NUBPL: variants seen among roughly 807,000 people sequenced by gnomAD.
NUBPL encodes NUBP iron-sulfur cluster assembly factor, mitochondrial.
A neutral mutation model predicts 45.7 loss-of-function variants in NUBPL; 31 were observed. That is an observed-to-expected ratio of 0.68 (90% confidence interval 0.51 to 0.92). The LOEUF (loss-of-function observed/expected upper bound fraction) is 0.92, where lower values mean the gene tolerates loss of function less well. NUBPL is among the 40% of genes least tolerant of loss of function. NUBPL has a pLI of 0.00. For synonymous variants in NUBPL, 144 were observed against 140.9 expected, an observed-to-expected ratio of 1.02 and a Z score of -0.15; for missense variants, 401 against 398.7, an observed-to-expected ratio of 1.01 and a Z score of -0.05.
chr14:31,827,571 A>G (rs532539064), intron 8 of NUBPL, among the ~76,000 whole-genome samples: 15 of 152,254 alleles, frequency 9.9e-5, no homozygotes, highest in African/African-American at 3.6e-4. Flanking sequence ...TACAGTGTCA[A>G]CATGATGCTT....
intron 4 of NUBPL, among the ~76,000 whole-genome samples, chr14:31,650,287 CTTTT>C (rs35127795): frequency 4.8e-4 from 56 of 116,566 alleles, no homozygotes; most frequent in Non-Finnish European, 6.4e-4. Context: ...GGCTTTCTTT[CTTTT>C]TTTTTTTTTT....
chr14:31,701,508 G>A (rs1052278494), intron 6 of NUBPL, among the ~76,000 whole-genome samples: 2 of 152,218 alleles, frequency 1.3e-5, no homozygotes, highest in Non-Finnish European at 2.9e-5. Context: ...TTGTTCTTTC[G>A]CTCTTCGCAA....
intron 4 of NUBPL, among the ~76,000 whole-genome samples, chr14:31,657,312 G>A (rs1483615890): frequency 6.6e-6 from 1 of 152,132 alleles, no homozygotes; most frequent in East Asian, 1.9e-4. Context: ...ATTCATATAA[G>A]CTTTCAAATC....
chr14:31,632,969 G>A (rs2035383715), intron 4 of NUBPL, among the ~76,000 whole-genome samples: 1 of 152,158 alleles, frequency 6.6e-6, no homozygotes, highest in African/African-American at 2.4e-5. Context: ...AATAGACATG[G>A]ATGGGTAATT....
intron 4 of NUBPL, among the ~76,000 whole-genome samples, chr14:31,666,584 G>A (rs2036435526): frequency 6.6e-6 from 1 of 152,026 alleles, no homozygotes; most frequent in Non-Finnish European, 1.5e-5. Context: ...TGTTATGTGT[G>A]AATTTGATCA....
chr14:31,645,787 C>A (rs1429925360), intron 4 of NUBPL, among the ~76,000 whole-genome samples: 3 of 119,046 alleles, frequency 2.5e-5, no homozygotes, highest in African/African-American at 6.4e-5. Context: ...CCCCCCCCCA[C>A]ATTTTGACTT....
chr14:31,689,076 C>A (rs1434234325), intron 6 of NUBPL, among the ~76,000 whole-genome samples: 5 of 151,784 alleles, frequency 3.3e-5, no homozygotes, highest in Admixed American at 2.6e-4. Flanking sequence ...CATTGATAGG[C>A]ATTTAGGTTG....
intron 7 of NUBPL, among the ~76,000 whole-genome samples, chr14:31,814,969 G>T (rs150238002): frequency 1.3e-5 from 2 of 152,018 alleles, no homozygotes; most frequent in African/African-American, 2.4e-5. Flanking sequence ...GTCAGGTAGC[G>T]TGATGCCTCC....
chr14:31,564,334 A>T (rs1372272193), intron 2 of NUBPL, among the ~76,000 whole-genome samples: 2 of 152,030 alleles, frequency 1.3e-5, no homozygotes, highest in Non-Finnish European at 2.9e-5. Context: ...CCAGCCTTTC[A>T]TATACATGAG....
chr14:31,849,350 G>A (rs1008264017), intron 9 of NUBPL, among the ~76,000 whole-genome samples: 5 of 152,138 alleles, frequency 3.3e-5, no homozygotes, highest in Non-Finnish European at 4.4e-5. Context: ...TCCACTCACT[G>A]TGCTTTAAAT....
At chr14:31,617,457 C>G (rs1361488340) in intron 4 of NUBPL, among the ~76,000 whole-genome samples, 2 of 152,230 alleles carry the variant, frequency 1.3e-5, no homozygotes, top group East Asian at 3.9e-4. Context: ...TCCATCAATA[C>G]CTAGTTTATT....
intron 7 of NUBPL, among the ~76,000 whole-genome samples, chr14:31,806,630 CTTA>C (rs1315614146): frequency 1.1e-4 from 16 of 151,258 alleles, no homozygotes; most frequent in Non-Finnish European, 2.1e-4. Context: ...AAGGATTTTT[CTTA>C]TTATACTTTA....
Position 31,779,414 on chromosome 14 carries a change from G to A in NUBPL, c.514-8366G>A, listed in dbSNP as rs183698651. The stretch of plus-strand genomic sequence containing the variant: ...CTTATGATGTGACTTGAAGAGAGCC[G>A]TGACAGAGTATGGAATGGAGATAGT... On this transcript the variant is annotated intron_variant, in intron 6 of 10. Coordinates refer to ENST00000281081, the MANE Select transcript of NUBPL (RefSeq NM_025152.3). Among the ~76,000 whole-genome samples, 68 of 152,146 alleles carry A rather than the reference G, an allele frequency of 4.5e-4. 1 individual carries two copies. Among genetic ancestry groups the A allele is most frequent in the East Asian group, 1.9e-3 (10 of 5,168 alleles).
chr14:31,636,493 A>G (rs1426209776), intron 4 of NUBPL, among the ~76,000 whole-genome samples: 2 of 152,114 alleles, frequency 1.3e-5, no homozygotes, highest in East Asian at 3.8e-4. Context: ...TTGGTTTGCC[A>G]GTATTTTATT....
At chr14:31,619,829 C>T (rs1012239364) in intron 4 of NUBPL, among the ~76,000 whole-genome samples, 1 of 152,012 alleles carries the variant, frequency 6.6e-6, no homozygotes, top group African/African-American at 2.4e-5. Flanking sequence ...GAATGTTGGC[C>T]TGCCTTGCTC....
At chr14:31,816,526 T>A (rs936724382) in intron 7 of NUBPL, among the ~76,000 whole-genome samples, 1 of 152,150 alleles carries the variant, frequency 6.6e-6, no homozygotes, top group Non-Finnish European at 1.5e-5. Context: ...TGTCTCTATC[T>A]CCTTCAGTTC....
intron 7 of NUBPL, among the ~76,000 whole-genome samples, chr14:31,789,797 A>G (rs566692878): frequency 6.6e-6 from 1 of 152,192 alleles, no homozygotes; most frequent in East Asian, 1.9e-4. Context: ...CATATTTGTA[A>G]TCTTAATTGA....
intron 2 of NUBPL, among the ~76,000 whole-genome samples, chr14:31,564,601 T>C (rs2033387216): frequency 6.6e-6 from 1 of 151,514 alleles, no homozygotes; most frequent in Non-Finnish European, 1.5e-5. Flanking sequence ...TAATCATAAA[T>C]GAAAGGCAAT....
At chr14:31,607,589 T>G (rs2034637492) in intron 4 of NUBPL, among the ~76,000 whole-genome samples, 1 of 151,976 alleles carries the variant, frequency 6.6e-6, no homozygotes. Flanking sequence ...AAAATGAAGT[T>G]GGCATGCTGA....
Sources: allele counts gnomAD v4.1 joint callset (sites outside exome capture counted in the v4.1 genomes callset), GRCh38; gene constraint gnomAD v4.1.1; transcripts MANE v1.5; gene names NCBI Gene and HGNC (gene_info 2026-07-23, HGNC 2026-07-21).